B3GALT1: variants seen among roughly 807,000 people sequenced by gnomAD.
B3GALT1 encodes UDP-Gal:betaGlcNAc beta 1,3-galactosyltransferase, polypeptide 1.
In B3GALT1, 10 loss-of-function variants were observed where a neutral mutation model predicts 23.2. That is an observed-to-expected ratio of 0.43 (90% CI 0.27 to 0.73). B3GALT1 has a LOEUF of 0.73. B3GALT1 is among the 30% of genes least tolerant of loss of function. The pLI is 0.21. For synonymous variants in B3GALT1, 156 were observed against 141.5 expected (o/e 1.10, Z -0.73); for missense variants, 299 against 405.4 (o/e 0.74, Z 2.25).
At chr2:167,764,917 G>A (rs867896581) in intron 3 of B3GALT1, among the ~76,000 whole-genome samples, 5 of 152,212 alleles carry the variant, frequency 3.3e-5, no homozygotes, top group African/African-American at 1.2e-4. Flanking sequence ...GAGAAAAGGA[G>A]GTTCGGGATA....
intron 3 of B3GALT1, among the ~76,000 whole-genome samples, chr2:167,772,347 T>G (rs1378962201): frequency 6.6e-6 from 1 of 152,204 alleles, no homozygotes; most frequent in Non-Finnish European, 1.5e-5. Context: ...TTGTGTATTA[T>G]CTAATTTAGT....
chr2:167,352,409 A>G (rs1368008409), intron 1 of B3GALT1, among the ~76,000 whole-genome samples: 2 of 151,356 alleles, frequency 1.3e-5, no homozygotes, highest in East Asian at 2.0e-4. Context: ...TATTGGGAGC[A>G]TGTGAAATAA....
intron 4 of B3GALT1, among the ~76,000 whole-genome samples, chr2:167,827,575 A>T (rs1689255358): frequency 6.6e-6 from 1 of 152,124 alleles, no homozygotes; most frequent in Non-Finnish European, 1.5e-5. Flanking sequence ...TTCTGCAAAT[A>T]GCGCCCACCC....
intron 2 of B3GALT1, among the ~76,000 whole-genome samples, chr2:167,555,649 A>G (rs775087926): frequency 6.6e-6 from 1 of 152,196 alleles, no homozygotes; most frequent in African/African-American, 2.4e-5. Flanking sequence ...AAGAAAAGCA[A>G]GAGTGATATT....
At chr2:167,359,372 TACTC>T (rs778061594) in intron 1 of B3GALT1, among the ~76,000 whole-genome samples, 3 of 152,230 alleles carry the variant, frequency 2.0e-5, no homozygotes, top group Non-Finnish European at 2.9e-5. Flanking sequence ...CCTTCTGTAA[TACTC>T]ACAGTAAGTC....
intron 2 of B3GALT1, among the ~76,000 whole-genome samples, chr2:167,611,189 ATT>A (rs1685059415): frequency 6.6e-6 from 1 of 152,032 alleles, no homozygotes; most frequent in Non-Finnish European, 1.5e-5. Context: ...CAGTTATCTG[ATT>A]AACTTCTATT....
rs368177839 is a variant in B3GALT1 at position 167,514,470 on chromosome 2, C to T, written c.-410+24193C>T. 1.8e-4 allele frequency among the ~76,000 whole-genome samples: 27 copies of T among 152,220 alleles called. No individual in the cohort carries two copies. The South Asian group carries it at 5.6e-3, about 32-fold the overall frequency. ...ATCCCTTCTCTGTCTTCCTGCCTTG[C>T]AATCTCCCTTTAATGTCCCCCATTG... On this transcript the variant is annotated intron_variant, in intron 2 of 4. Transcript: ENST00000392690.
At chr2:167,713,322 T>G (rs997580147) in intron 3 of B3GALT1, among the ~76,000 whole-genome samples, 6 of 152,210 alleles carry the variant, frequency 3.9e-5, no homozygotes, top group African/African-American at 1.2e-4. Flanking sequence ...AACTGAGAGA[T>G]AAAACATGAA....
intron 2 of B3GALT1, among the ~76,000 whole-genome samples, chr2:167,541,071 A>G (rs1574127047): frequency 6.6e-6 from 1 of 152,096 alleles, no homozygotes; most frequent in African/African-American, 2.4e-5. Context: ...TTACTTTTTT[A>G]AAGTATCTTT....
chr2:167,836,831 G>A lies in B3GALT1; in HGVS notation c.-230+18038G>A, dbSNP rs187147583. 3.3e-3 allele frequency among the ~76,000 whole-genome samples: 499 copies of A among 152,276 alleles called. 6 individuals are homozygous for A. Among genetic ancestry groups the A allele is most frequent in the African/African-American group, 0.011 (476 of 41,558 alleles). ...CCATCAGACTAACAGCGGATCTCTC[G>A]GGAGAAACTCTACAAGCCAGAAGAG... On this transcript the variant is annotated intron_variant, in intron 4 of 4. Coordinates refer to ENST00000392690, the MANE Select transcript of B3GALT1 (RefSeq NM_020981.4).
chr2:167,568,060 A>G (rs142332946), intron 2 of B3GALT1, among the ~76,000 whole-genome samples: 55 of 152,238 alleles, frequency 3.6e-4, no homozygotes, highest in African/African-American at 1.2e-3. Flanking sequence ...TCATGGCTCA[A>G]TAGTTCATTT....
intron 1 of B3GALT1, among the ~76,000 whole-genome samples, chr2:167,428,643 A>G (rs1224770333): frequency 6.6e-6 from 1 of 151,730 alleles, no homozygotes; most frequent in Non-Finnish European, 1.5e-5. Context: ...GCCCCACTAC[A>G]CTCTAGCCTG....
At chr2:167,296,608 T>G (rs1234438970) in intron 1 of B3GALT1, among the ~76,000 whole-genome samples, 1 of 152,216 alleles carries the variant, frequency 6.6e-6, no homozygotes, top group South Asian at 2.1e-4. Context: ...ATGTGCATCA[T>G]AAAGGAATAT....
At chr2:167,839,906 C>T (rs1689596267) in intron 4 of B3GALT1, among the ~76,000 whole-genome samples, 1 of 151,982 alleles carries the variant, frequency 6.6e-6, no homozygotes, top group Non-Finnish European at 1.5e-5. Flanking sequence ...TTTGACAAAC[C>T]TGAGAAAAAC....
chr2:167,403,450 C>T (rs1698226432), intron 1 of B3GALT1, among the ~76,000 whole-genome samples: 3 of 151,544 alleles, frequency 2.0e-5, no homozygotes. Context: ...GGTTCCAAGT[C>T]TTTGCTATTG....
chr2:167,517,798 C>T (rs190075875), intron 2 of B3GALT1, among the ~76,000 whole-genome samples: 206 of 152,156 alleles, frequency 1.4e-3, no homozygotes, highest in Admixed American at 0.012. Context: ...ACAGACAATA[C>T]AGTGCTGGAG....
chr2:167,525,054 G>A (rs983486179), intron 2 of B3GALT1, among the ~76,000 whole-genome samples: 4 of 152,126 alleles, frequency 2.6e-5, no homozygotes, highest in African/African-American at 9.7e-5. Flanking sequence ...AGCATCTGCA[G>A]GATAAATTAT....
chr2:167,657,177 G>A (rs537335379), intron 3 of B3GALT1, among the ~76,000 whole-genome samples: 1 of 152,284 alleles, frequency 6.6e-6, no homozygotes, highest in Admixed American at 6.5e-5. Context: ...ATACCCAGGG[G>A]ATATTCAAAT....
chr2:167,825,570 G>C (rs1689204227), intron 4 of B3GALT1, among the ~76,000 whole-genome samples: 1 of 151,546 alleles, frequency 6.6e-6, no homozygotes, highest in African/African-American at 2.4e-5. Flanking sequence ...CACGTTGTCA[G>C]ACTCAGAGTA....
Sources: gnomAD v4.1 joint callset for allele counts (sites outside exome capture counted in the v4.1 genomes callset) on GRCh38, gnomAD v4.1.1 for gene constraint, MANE v1.5 for transcripts, NCBI Gene and HGNC (gene_info 2026-07-23, HGNC 2026-07-21) for gene names.